Variants in NCAM2 observed in about 807,000 individuals in gnomAD.
NCAM2 encodes neural cell adhesion molecule 2, also known as N-CAM-2.
Under a neutral mutation model 98.1 loss-of-function variants are expected in NCAM2, and 30 were observed. The observed-to-expected ratio is 0.31, with a 90% CI of 0.23 to 0.41. The LOEUF is 0.41. Ranked by LOEUF, NCAM2 falls within the 10% of genes least tolerant of loss-of-function variation. The pLI is 1.00. For synonymous variants in NCAM2, 368 were observed against 342.4 expected (o/e 1.07, Z -0.83); for missense variants, 867 against 1,005.8 (o/e 0.86, Z 1.87).
At chr21:21,476,247 A>G (rs1057326995) in intron 14 of NCAM2, among the ~76,000 whole-genome samples, 2 of 152,116 alleles carry the variant, frequency 1.3e-5, no homozygotes, top group African/African-American at 4.8e-5. Flanking sequence ...TGCAGTTGCA[A>G]TGATAGATTA....
At chr21:21,258,939 C>CACGG (rs888624271) in intron 1 of NCAM2, among the ~76,000 whole-genome samples, 1 of 152,116 alleles carries the variant, frequency 6.6e-6, no homozygotes, top group African/African-American at 2.4e-5. Context: ...ACAAAGGAAA[C>CACGG]ACGGACGTGG....
intron 8 of NCAM2, among the ~76,000 whole-genome samples, chr21:21,353,518 A>C (rs1055650490): frequency 2.0e-5 from 3 of 152,164 alleles, no homozygotes; most frequent in African/African-American, 7.2e-5. Context: ...CATACAGGCG[A>C]GTGCACATAA....
Position 21,068,140 on chromosome 21 carries a change from T to C in NCAM2, c.55+69522T>C, listed in dbSNP as rs923614794. On this transcript the variant is annotated intron_variant, in intron 1 of 17. Transcript: ENST00000400546. ...TAAAATAATGACTTTTTTTTCTTTT[T>C]TTTTTTTTTTTTTTGAGACGGAGTC... Among the ~76,000 whole-genome samples, 7 of 143,914 alleles carry C rather than the reference T, an allele frequency of 4.9e-5. No individual in the cohort carries two copies. The South Asian group carries it at 6.7e-4, about 14-fold the overall frequency. 94.4% of individuals were successfully genotyped at this position (143,914 alleles called of 152,430 possible). A position where few individuals can be genotyped will look rare whatever the true frequency, so the allele number is the denominator to read the frequency against.
At chr21:21,347,362 TG>T (rs1466285325) in intron 8 of NCAM2, among the ~76,000 whole-genome samples, 1 of 151,926 alleles carries the variant, frequency 6.6e-6, no homozygotes, top group East Asian at 1.9e-4. Flanking sequence ...TAGCCAAAGC[TG>T]TCCTAAGCAA....
At chr21:21,136,605 G>T (rs2067056169) in intron 1 of NCAM2, among the ~76,000 whole-genome samples, 1 of 150,938 alleles carries the variant, frequency 6.6e-6, no homozygotes, top group African/African-American at 2.5e-5. Context: ...GGGATTATAG[G>T]TGCAGGCCAC....
intron 5 of NCAM2, among the ~76,000 whole-genome samples, chr21:21,319,936 A>G (rs1452247747): frequency 4.6e-5 from 7 of 152,186 alleles, no homozygotes. Flanking sequence ...AACTTTCACT[A>G]AGAATGTAAT....
At chr21:21,325,771 G>A (rs2074495180) in intron 6 of NCAM2, among the ~76,000 whole-genome samples, 1 of 152,012 alleles carries the variant, frequency 6.6e-6, no homozygotes, top group Admixed American at 6.6e-5. Flanking sequence ...TATTTGAACA[G>A]CATTTATTTA....
intron 6 of NCAM2, among the ~76,000 whole-genome samples, chr21:21,331,557 TACTCTATATACATATATATATAGAG>T (rs2074700079): frequency 1.3e-3 from 4 of 3,184 alleles, no homozygotes; most frequent in East Asian, 0.014. Context: ...TATATATATA[TACTCTATATACATATATATATAGAG>T]AGAGAGAGAG....
At chr21:21,410,243 C>A in intron 9 of NCAM2, 31 bp from the exon 10 acceptor site, 3 of 1,167,750 alleles carry the variant, frequency 2.6e-6, no homozygotes, top group Non-Finnish European at 3.4e-6. Context: ...AAAGAAAATG[C>A]CTATAATTAT....
intron 1 of NCAM2, among the ~76,000 whole-genome samples, chr21:21,034,448 G>T (rs1051319828): frequency 2.6e-5 from 4 of 151,976 alleles, no homozygotes; most frequent in African/African-American, 9.7e-5. Context: ...GAACTTTCTC[G>T]GTCGTCCATA....
chr21:21,400,282 AC>A (rs1298649902), intron 9 of NCAM2, among the ~76,000 whole-genome samples: 1 of 152,146 alleles, frequency 6.6e-6, no homozygotes, highest in East Asian at 1.9e-4. Context: ...TCTAGGTCAG[AC>A]TTCTGCCTGT....
Position 21,208,405 on chromosome 21 carries a change from T to A in NCAM2, c.56-72173T>A, listed in dbSNP as rs550116819. On this transcript the variant is annotated intron_variant, in intron 1 of 17. Transcript: ENST00000400546. The stretch of plus-strand genomic sequence containing the variant: ...GGGAGGGTGGAATTGATGTCTCTGT[T>A]GTAATATTAATACCAGTTAGAAGAC... Among the ~76,000 whole-genome samples the A allele has an allele frequency of 5.3e-5, 8 of 152,314 alleles. No individual in the cohort carries two copies. The East Asian group carries it at 1.3e-3, about 26-fold the overall frequency.
intron 1 of NCAM2, among the ~76,000 whole-genome samples, chr21:21,126,121 C>G (rs1453613918): frequency 1.3e-5 from 2 of 149,354 alleles, no homozygotes; most frequent in African/African-American, 4.9e-5. Context: ...TCAAGTTGTT[C>G]TTCTTAGAAA....
intron 8 of NCAM2, among the ~76,000 whole-genome samples, chr21:21,368,650 T>C (rs2075842545): frequency 6.6e-6 from 1 of 151,878 alleles, no homozygotes; most frequent in Admixed American, 6.6e-5. Flanking sequence ...ACTAGCTAGC[T>C]TTCTGTGGGC....
chr21:21,249,946 G>A (rs1356136067), intron 1 of NCAM2, among the ~76,000 whole-genome samples: 1 of 152,130 alleles, frequency 6.6e-6, no homozygotes, highest in Non-Finnish European at 1.5e-5. Context: ...ATACCACCAA[G>A]TGTATCATGC....
chr21:21,120,670 A>G (rs2066652550), intron 1 of NCAM2, among the ~76,000 whole-genome samples: 2 of 152,032 alleles, frequency 1.3e-5, no homozygotes, highest in South Asian at 2.1e-4. Flanking sequence ...TGGTATTTTT[A>G]AAGGCAATTA....
intron 1 of NCAM2, among the ~76,000 whole-genome samples, chr21:21,020,410 G>C (rs1334763782): frequency 6.6e-6 from 1 of 152,072 alleles, no homozygotes; most frequent in African/African-American, 2.4e-5. Context: ...GACATTACTC[G>C]AACTGTTGTC....
At chr21:21,526,152 A>C (rs1989310652) in intron 16 of NCAM2, among the ~76,000 whole-genome samples, 1 of 152,066 alleles carries the variant, frequency 6.6e-6, no homozygotes, top group African/African-American at 2.4e-5. Context: ...AAAGAAAGGA[A>C]ATAAAAGGCA....
intron 15 of NCAM2, among the ~76,000 whole-genome samples, chr21:21,498,506 C>T (rs1264467648): frequency 1.3e-5 from 2 of 151,976 alleles, no homozygotes; most frequent in Non-Finnish European, 2.9e-5. Context: ...CATGTTGTAC[C>T]CATACAGCTC....
Sources: allele counts gnomAD v4.1 joint callset (sites outside exome capture counted in the v4.1 genomes callset), GRCh38; gene constraint gnomAD v4.1.1; transcripts MANE v1.5; gene names NCBI Gene and HGNC (gene_info 2026-07-23, HGNC 2026-07-21).